The following DDOST variants were observed in gnomAD, a reference collection of about 807,000 sequenced individuals.
DDOST encodes the protein dolichyl-diphosphooligosaccharide--protein glycosyltransferase non-catalytic subunit, also known as dolichyl-diphosphooligosaccharide--protein glycosyltransferase 48 kDa subunit.
In DDOST, 25 loss-of-function variants were observed where a neutral mutation model predicts 47.6. That is an observed-to-expected ratio of 0.53 (90% confidence interval 0.38 to 0.73). The LOEUF is 0.73. Ranked by LOEUF, DDOST falls within the 30% of genes least tolerant of loss-of-function variation. DDOST has a pLI of 0.00. For synonymous variants in DDOST, 275 were observed against 236.0 expected, an observed-to-expected ratio of 1.17 and a Z score of -1.51; for missense variants, 526 against 573.9, an observed-to-expected ratio of 0.92 and a Z score of 0.85.
At position 20,651,801 on chromosome 1, in the gene DDOST, T is replaced by TTTTTTTTTATTTA. The variant is rs886045853; in HGVS notation, c.*577_*578insTAAATAAAAAAAA. ...GTTTGAGGGCAACATCTCGCTTTAT[T>TTTTTTTTTATTTA]TTTATTTATTTATTTATTTATTTAT... On this transcript the variant is annotated 3_prime_UTR_variant, in exon 11 of 11. Transcript: ENST00000602624. The TTTTTTTTTATTTA allele has an allele frequency of 8.8e-5, 13 of 147,210 alleles. No homozygotes were observed. The South Asian group carries it at 1.8e-3, about 20-fold the overall frequency. 9.1% of individuals were successfully genotyped at this position (147,210 alleles called of 1,614,324 possible).
chr1:20,655,195 T>A (rs1179617851), intron 5 of DDOST, among the ~76,000 whole-genome samples: 1 of 146,888 alleles, frequency 6.8e-6, no homozygotes, highest in Non-Finnish European at 1.5e-5. Context: ...TTTTTTTTTT[T>A]AAAGAGAGGA....
chr1:20,654,514 C>T (rs560655159), intron 6 of DDOST, 100 bp downstream of exon 6: 11 of 1,374,316 alleles, frequency 8.0e-6, no homozygotes, highest in Admixed American at 7.9e-5. Context: ...CCGCTTCTGC[C>T]CATGCCCCAC....
At chr1:20,655,163 TTTTTTTTG>T (rs1443399043) in intron 5 of DDOST, among the ~76,000 whole-genome samples, 1 of 47,446 alleles carries the variant, frequency 2.1e-5, no homozygotes, top group Non-Finnish European at 4.1e-5. Flanking sequence ...CTCGGCCAAC[TTTTTTTTG>T]TTTTTTTTTT....
chr1:20,654,480 CT>C (rs1348739777), intron 6 of DDOST, 109 bp from the exon 7 acceptor site: 2 of 1,428,212 alleles, frequency 1.4e-6, no homozygotes, highest in Non-Finnish European at 1.9e-6. Context: ...CTGGCCCTAC[CT>C]GAAGGGGGAG....
chr1:20,659,601 A>G (rs1022744997), intron 2 of DDOST, among the ~76,000 whole-genome samples: 4 of 152,346 alleles, frequency 2.6e-5, no homozygotes, highest in African/African-American at 7.2e-5. Context: ...CAGTCATCAG[A>G]AGATTTCAAC....
chr1:20,658,813 T>A (rs1484760165), intron 2 of DDOST, among the ~76,000 whole-genome samples: 1 of 152,114 alleles, frequency 6.6e-6, no homozygotes, highest in Non-Finnish European at 1.5e-5. Flanking sequence ...GGGCTCGCTA[T>A]TGTTTCCCTT....
rs776171831 is a variant in DDOST, at chr1:20,652,483, G to A, written c.1216C>T (p.Pro406Ser). Reference protein sequence around the residue: ...LQHTQYERFIPSAYPYYASAF... With the variant: ...LQHTQYERFISSAYPYYASAF... ...CTGGCGTAGTAGGGGTAGGCCGAGG[G>A]GATGAAGCGCTCATACTGCGTGTGC... is the stretch of plus-strand genomic sequence containing the variant. Residue 406 changes from proline to serine, a missense_variant, in exon 11 of 11, where the codon CCC becomes TCC. Coordinates refer to ENST00000602624, the MANE Select transcript of DDOST (RefSeq NM_005216.5). The A allele has an allele frequency of 2.5e-6, 4 of 1,613,994 alleles. No individual in the cohort carries two copies. Among genetic ancestry groups the A allele is most frequent in the Non-Finnish European group, 2.5e-6 (3 of 1,179,978 alleles).
rs1487451151 is a variant in DDOST, at chr1:20,661,254, G to C, written c.97C>G (p.Leu33Val). The part of the protein sequence containing the change: ...VCASGPRTLV[L>V]LDNLNVRETH... ...TCCCGCACGTTGAGGTTGTCCAGCA[G>C]CACTAAGGTGCGGGGTCCGCTGGCG... is the stretch of plus-strand genomic sequence containing the variant. Residue 33 changes from leucine (L) to valine (V), a missense_variant, in exon 1 of 11, where the codon CTG (leucine) becomes GTG (valine). Leu to Val is a conservative substitution (Grantham distance 32, BLOSUM62 1). Transcript: ENST00000602624. 9 of 1,613,944 alleles carry C rather than the reference G, an allele frequency of 5.6e-6. No individual in the cohort carries two copies. The highest frequency in any genetic ancestry group is 7.6e-6 in the Non-Finnish European group (9 of 1,180,028).
intron 2 of DDOST, 184 bp downstream of exon 2, chr1:20,660,696 CT>C (rs1557574609): frequency 1.8e-6 from 1 of 541,706 alleles, no homozygotes; most frequent in Non-Finnish European, 3.3e-6. Flanking sequence ...TTAGCTGTTT[CT>C]TTTAGAAAGA....
chr1:20,655,171 G>GTTTTTTTT (rs869053335), intron 5 of DDOST, among the ~76,000 whole-genome samples: 6 of 77,214 alleles, frequency 7.8e-5, no homozygotes, highest in Admixed American at 1.5e-4. Flanking sequence ...ACTTTTTTTT[G>GTTTTTTTT]TTTTTTTTTT....
chr1:20,654,589 A>C (rs369489521), intron 6 of DDOST, 25 bp downstream of exon 6: 5 of 1,536,264 alleles, frequency 3.3e-6, no homozygotes, highest in Non-Finnish European at 4.4e-6. Flanking sequence ...TTTATTTCGA[A>C]GCCTCAAGGT....
rs1192790734 is a variant in DDOST, at chr1:20,654,623, A to G, written c.636T>C (p.Pro212=). Residue 212 remains proline (P), a synonymous_variant, in exon 6 of 11, where the codon CCT becomes CCC. Transcript: ENST00000602624. ...STSYSFFPDK[P]ITQYPHAVGK... ...GTTGTGAAGCCCTTACCTGGGTGAT[A>G]GGCTTGTCCGGGAAGAAGGAGTAAG... 1.9e-6 allele frequency: 3 copies of G among 1,562,248 alleles called. No individual in the cohort carries two copies. Among genetic ancestry groups the G allele is most frequent in the Non-Finnish European group, 2.6e-6 (3 of 1,151,800 alleles).
Position 20,655,466 on chromosome 1 carries a change from T to TA in DDOST, c.524dup (p.Asn176LysfsTer15). ...CAACACCTCGAAAGAGGATGGGATT[T>TA]AGAGATGATTTCCCAACGATGGTTG... On this transcript the variant is annotated frameshift_variant, in exon 5 of 11. Coordinates refer to ENST00000602624, the MANE Select transcript of DDOST (RefSeq NM_005216.5). LOFTEE classifies it high-confidence loss of function. 6.2e-7 allele frequency: 1 copy of TA among 1,613,988 alleles called. No homozygotes were observed.
At chr1:20,659,161 T>C (rs2053408613) in intron 2 of DDOST, among the ~76,000 whole-genome samples, 1 of 98,512 alleles carries the variant, frequency 1.0e-5, no homozygotes, top group Non-Finnish European at 2.1e-5. Flanking sequence ...CCTAGCCTTT[T>C]CTTTTTTTTT....
chr1:20,652,392 T>G lies in DDOST; in HGVS notation c.1307A>C (p.Glu436Ala), dbSNP rs1203054696. 1.2e-6 allele frequency: 2 copies of G among 1,612,758 alleles called. No homozygotes were observed. Among genetic ancestry groups the G allele is most frequent in the Non-Finnish European group, 1.7e-6 (2 of 1,179,458 alleles). The change falls in exon 11 of 11, where the codon GAG becomes GCG. Residue 436 changes from glutamate to alanine, a missense_variant. Physicochemically the swap from Glu to Ala is moderately radical, Grantham distance 107. Transcript: ENST00000602624. The part of the protein sequence containing the change: ...SIVFLHMKEK[E>A]KSD ...GGCTCTAGCCCCTCAGTCGGACTTC[T>G]CCTTCTCCTTCATGTGCAAGAAGAC...
At position 20,652,608 on chromosome 1, in the gene DDOST, C is replaced by G; in HGVS notation, c.1170+13G>C. On this transcript the variant is annotated intron_variant, in intron 10 of 10. Coordinates refer to ENST00000602624, the MANE Select transcript of DDOST (RefSeq NM_005216.5). ...CATGCTAGCTGAAAACAGAAGCTGT[C>G]ACCTGTGCTTACCTGAGTGGAAGAG... 1 of 1,614,166 alleles carries G rather than the reference C, an allele frequency of 6.2e-7. No homozygotes were observed. The highest frequency in any genetic ancestry group is 8.5e-7 in the Non-Finnish European group (1 of 1,179,968).
rs770428927 is a variant in DDOST at position 20,652,709 on chromosome 1, T to C, written c.1082A>G (p.Gln361Arg). The C allele has an allele frequency of 2.7e-5, 44 of 1,614,098 alleles. No homozygotes were observed. The East Asian group carries it at 9.4e-4, about 34-fold the overall frequency. ...ACCATACACGTCGGGCAACTTGAAC[T>C]GAACACTGTATTTGCCACCTGCGGA... ...LKKKGGKYSV[Q>R]FKLPDVYGVF... The change falls in exon 10 of 11, where the codon CAG becomes CGG. Residue 361 changes from glutamine (Q) to arginine (R), a missense_variant. Gln to Arg is a conservative substitution (Grantham distance 43). Transcript: ENST00000602624.
rs1488838174 is a variant in DDOST, at chr1:20,652,497, T to C, written c.1202A>G (p.Tyr401Cys). The C allele has an allele frequency of 6.2e-7, 1 of 1,613,892 alleles. No individual in the cohort carries two copies. Among genetic ancestry groups the C allele is most frequent in the Non-Finnish European group, 8.5e-7 (1 of 1,179,942 alleles). ...GTAGGCCGAGGGGATGAAGCGCTCA[T>C]ACTGCGTGTGCTGGAGTGGCCGCAC... The part of the protein sequence containing the change: ...VSVRPLQHTQ[Y>C]ERFIPSAYPY... Residue 401 changes from tyrosine (Y) to cysteine (C), a missense_variant, in exon 11 of 11, where the codon TAT (tyrosine) becomes TGT (cysteine). Coordinates refer to ENST00000602624, the MANE Select transcript of DDOST (RefSeq NM_005216.5).
chr1:20,660,893 G>C lies in DDOST; in HGVS notation c.253C>G (p.Pro85Ala), dbSNP rs762661909. The change falls in exon 2 of 11, where the codon CCT becomes GCT. Residue 85 changes from proline to alanine, a missense_variant. Pro to Ala is a conservative substitution (Grantham distance 27). Transcript: ENST00000602624. ...GCGGAACCCTTACCTTCTACCGAAG[G>C]GGAGAAAATGATGAGATTGTCATAG... ...FLYDNLIIFS[P>A]SVEDFGGNIN... 1 of 1,602,060 alleles carries C rather than the reference G, an allele frequency of 6.2e-7. No individual in the cohort carries two copies. The highest frequency in any genetic ancestry group is 1.1e-5 in the South Asian group (1 of 90,790).
Sources: gnomAD v4.1 joint callset for allele counts (sites outside exome capture counted in the v4.1 genomes callset) on GRCh38, gnomAD v4.1.1 for gene constraint, MANE v1.5 for transcripts, NCBI Gene and HGNC (gene_info 2026-07-23, HGNC 2026-07-21) for gene names.